OTUD7A: variants seen among roughly 807,000 people sequenced by gnomAD.
OTUD7A encodes OTU domain-containing protein 7A.
A neutral mutation model predicts 65.7 loss-of-function variants in OTUD7A; 12 were observed. The observed-to-expected ratio is 0.18, with a 90% CI of 0.12 to 0.30. The LOEUF is 0.30. OTUD7A is among the 10% of genes least tolerant of loss of function. The pLI is 1.00. For synonymous variants in OTUD7A, 641 were observed against 586.3 expected, an observed-to-expected ratio of 1.09 and a Z score of -1.35; for missense variants, 1,148 against 1,304.8, an observed-to-expected ratio of 0.88 and a Z score of 1.85.
intron 1 of OTUD7A, among the ~76,000 whole-genome samples, chr15:31,749,597 T>C (rs575988251): frequency 6.6e-6 from 1 of 152,222 alleles, no homozygotes; most frequent in South Asian, 2.1e-4. Flanking sequence ...TATTCAAACA[T>C]CACACTGAAT....
intron 1 of OTUD7A, among the ~76,000 whole-genome samples, chr15:31,671,072 C>G (rs1892473063): frequency 1.3e-5 from 2 of 152,068 alleles, no homozygotes; most frequent in African/African-American, 4.8e-5. Context: ...TGCAGAAGCT[C>G]TTTAGTTTAA....
At chr15:31,489,761 A>C (rs993915082) in intron 10 of OTUD7A, among the ~76,000 whole-genome samples, 1 of 152,214 alleles carries the variant, frequency 6.6e-6, no homozygotes, top group African/African-American at 2.4e-5. Flanking sequence ...ACGGCACCCC[A>C]GACAGTCACC....
intron 1 of OTUD7A, among the ~76,000 whole-genome samples, chr15:31,708,263 C>A (rs1395753322): frequency 6.6e-6 from 1 of 152,196 alleles, no homozygotes; most frequent in Non-Finnish European, 1.5e-5. Flanking sequence ...AACAGCACTT[C>A]ATACATTAAT....
intron 1 of OTUD7A, among the ~76,000 whole-genome samples, chr15:31,737,001 T>C (rs571369894): frequency 1.8e-4 from 27 of 152,220 alleles, no homozygotes; most frequent in Non-Finnish European, 1.2e-4. Context: ...TTTGTATTTT[T>C]AGTAGAGGCA....
At chr15:31,558,829 C>A in intron 5 of OTUD7A, 140 bp downstream of exon 5, 1 of 870,588 alleles carries the variant, frequency 1.1e-6, no homozygotes, top group Non-Finnish European at 1.8e-6. Flanking sequence ...GCAGGAGGTG[C>A]GGTGCAGCAT....
At chr15:31,513,790 A>C (rs1034129602) in intron 8 of OTUD7A, among the ~76,000 whole-genome samples, 1 of 152,082 alleles carries the variant, frequency 6.6e-6, no homozygotes, top group Admixed American at 6.5e-5. Context: ...CAGACTACTA[A>C]TTTTTCGTTT....
At chr15:31,772,108 C>T (rs930668504) in intron 1 of OTUD7A, among the ~76,000 whole-genome samples, 10 of 126,854 alleles carry the variant, frequency 7.9e-5, no homozygotes, top group African/African-American at 2.3e-4. Context: ...AAAAATTAGC[C>T]GGGCGTAGTG....
intron 1 of OTUD7A, among the ~76,000 whole-genome samples, chr15:31,809,698 T>C (rs966082916): frequency 2.6e-5 from 4 of 152,210 alleles, no homozygotes; most frequent in Non-Finnish European, 1.5e-5. Flanking sequence ...TCAGCCTAGA[T>C]GGGTCAAGCC....
intron 1 of OTUD7A, among the ~76,000 whole-genome samples, chr15:31,752,845 G>A (rs73378641): frequency 0.03 from 4,519 of 152,102 alleles, 226 homozygotes; most frequent in African/African-American, 0.1. Context: ...AGTAAACATA[G>A]TTTGTCAGTC....
chr15:31,587,529 T>C (rs962368836), intron 3 of OTUD7A, among the ~76,000 whole-genome samples: 2 of 151,272 alleles, frequency 1.3e-5, no homozygotes, highest in African/African-American at 4.9e-5. Context: ...TAATCCCAGC[T>C]ACTCGGGAGG....
At chr15:31,631,136 T>C (rs937592583) in intron 3 of OTUD7A, among the ~76,000 whole-genome samples, 3 of 152,234 alleles carry the variant, frequency 2.0e-5, no homozygotes, top group Admixed American at 6.5e-5. Context: ...CATTATGATG[T>C]TAGCTGGTTA....
chr15:31,807,879 G>A (rs2140956660), intron 1 of OTUD7A, among the ~76,000 whole-genome samples: 1 of 151,970 alleles, frequency 6.6e-6, no homozygotes, highest in South Asian at 2.1e-4. Context: ...GGAATTTAGA[G>A]GAAACCATCC....
rs140474563 is a variant in OTUD7A at position 31,653,219 on chromosome 15, C to T, written c.151+1877G>A. Among the ~76,000 whole-genome samples, 511 of 151,256 alleles carry T rather than the reference C, an allele frequency of 3.4e-3. 3 individuals are homozygous for T. Among genetic ancestry groups the T allele is most frequent in the African/African-American group, 0.012 (494 of 41,170 alleles). On this transcript the variant is annotated intron_variant, in intron 3 of 12. Coordinates refer to ENST00000307050, the MANE Select transcript of OTUD7A (RefSeq NM_001382637.1). ...GCAATGAGCCGAGATAGCGCCACTG[C>T]ACTCCAGCCTGGGCTAGAGTGAGAC...
intron 1 of OTUD7A, among the ~76,000 whole-genome samples, chr15:31,660,868 T>C (rs1892142276): frequency 6.6e-6 from 1 of 152,260 alleles, no homozygotes; most frequent in South Asian, 2.1e-4. Flanking sequence ...TTGTAGGAAC[T>C]GAGGAAGGCT....
chr15:31,617,900 G>C (rs998589701), intron 3 of OTUD7A, among the ~76,000 whole-genome samples: 3 of 151,852 alleles, frequency 2.0e-5, no homozygotes, highest in South Asian at 2.1e-4. Context: ...TTCACATTAC[G>C]CATATCTCCT....
chr15:31,850,817 T>A (rs978241260), intron 1 of OTUD7A, among the ~76,000 whole-genome samples: 4 of 152,130 alleles, frequency 2.6e-5, no homozygotes, highest in Non-Finnish European at 4.4e-5. Context: ...CTTGGAGGCC[T>A]GACAGAAGCA....
At chr15:31,562,408 C>G (rs1018977924) in intron 4 of OTUD7A, among the ~76,000 whole-genome samples, 1 of 152,188 alleles carries the variant, frequency 6.6e-6, no homozygotes, top group African/African-American at 2.4e-5. Context: ...CCTGGTGCCT[C>G]TGAGCTGGCT....
chr15:31,588,424 G>A (rs1395367856), intron 3 of OTUD7A, among the ~76,000 whole-genome samples: 2 of 152,198 alleles, frequency 1.3e-5, no homozygotes, highest in Admixed American at 1.3e-4. Context: ...TCGTTTCCCA[G>A]GGGGAGGCAA....
intron 1 of OTUD7A, among the ~76,000 whole-genome samples, chr15:31,684,601 T>TC (rs1444104300): frequency 6.9e-6 from 1 of 145,870 alleles, no homozygotes; most frequent in East Asian, 2.0e-4. Flanking sequence ...CAGAATTGTT[T>TC]CTGAGGGTTG....
Sources: allele counts gnomAD v4.1 joint callset (sites outside exome capture counted in the v4.1 genomes callset), GRCh38; gene constraint gnomAD v4.1.1; transcripts MANE v1.5; gene names NCBI Gene and HGNC (gene_info 2026-07-23, HGNC 2026-07-21).